UBE2O: variants seen among roughly 807,000 people sequenced by gnomAD.
UBE2O encodes the protein ubiquitin conjugating enzyme E2 O.
In UBE2O, 15 loss-of-function variants were observed where a neutral mutation model predicts 125.8. The ratio of observed to expected loss-of-function variants is 0.12; its 90% CI spans 0.08 to 0.18. The LOEUF (loss-of-function observed/expected upper bound fraction) is 0.18, where lower values mean the gene tolerates loss of function less well. Among genes scored for constraint, UBE2O ranks in the 10% least tolerant of loss-of-function variants. The pLI, the probability that UBE2O is intolerant of heterozygous loss-of-function variation, is 1.00. For synonymous variants in UBE2O, 708 were observed against 703.2 expected (o/e 1.01, Z -0.11); for missense variants, 1,280 against 1,723.6 (o/e 0.74, Z 4.56).
intron 1 of UBE2O, among the ~76,000 whole-genome samples, chr17:76,420,113 C>T (rs1343199716): frequency 2.0e-5 from 3 of 152,240 alleles, no homozygotes; most frequent in Non-Finnish European, 4.4e-5. Flanking sequence ...TCGCACCACA[C>T]TCCCCCAAAT....
chr17:76,447,206 A>G (rs2073165505), intron 1 of UBE2O, among the ~76,000 whole-genome samples: 1 of 152,278 alleles, frequency 6.6e-6, no homozygotes, highest in African/African-American at 2.4e-5. Context: ...ACGTATAGTA[A>G]TGATCTCTGA....
chr17:76,415,359 G>C (rs776959034), intron 1 of UBE2O, among the ~76,000 whole-genome samples: 1 of 152,170 alleles, frequency 6.6e-6, no homozygotes, highest in Non-Finnish European at 1.5e-5. Context: ...AGACTGGGTG[G>C]CTTGGAGAAG....
chr17:76,443,114 T>A (rs11650513), intron 1 of UBE2O, among the ~76,000 whole-genome samples: 40,262 of 151,948 alleles, frequency 0.26, 5,964 homozygotes, highest in East Asian at 0.49. Flanking sequence ...GGAAATATAT[T>A]TACATAAGCA....
At chr17:76,416,200 ATG>A (rs903296191) in intron 1 of UBE2O, among the ~76,000 whole-genome samples, 76 of 149,220 alleles carry the variant, frequency 5.1e-4, no homozygotes, top group African/African-American at 1.4e-3. Context: ...ATATGTGTAT[ATG>A]TGTGTGTATA....
In UBE2O at chr17:76,398,112, T is replaced by TG; in HGVS notation, c.2025+142dup. The TG allele has an allele frequency of 8.4e-7, 1 of 1,190,510 alleles. No individual in the cohort carries two copies. The highest frequency in any genetic ancestry group is 2.1e-5 in the Admixed American group (1 of 46,864). The allele number at this position is 1,190,510 out of a possible 1,614,324, so 73.7% of individuals were successfully genotyped here. A position where few individuals can be genotyped will look rare whatever the true frequency, so the allele number is the denominator to read the frequency against. ...CTAGTGCTGAGCGGCAGCTTGACTC[T>TG]GGGGCAGCTGCCCTTCTGAGGACAC... On this transcript the variant is annotated intron_variant, in intron 12 of 17. Coordinates refer to ENST00000319380, the MANE Select transcript of UBE2O (RefSeq NM_022066.4). The surrounding 1 kb of genome is among the most constrained non-coding windows in gnomAD (Gnocchi z 5.4).
intron 1 of UBE2O, among the ~76,000 whole-genome samples, chr17:76,437,897 T>C (rs1299330228): frequency 6.6e-6 from 1 of 152,142 alleles, no homozygotes; most frequent in Non-Finnish European, 1.5e-5. Flanking sequence ...AGGACAGCAA[T>C]AAGAATTAAA....
chr17:76,425,222 C>T (rs535932594), intron 1 of UBE2O, among the ~76,000 whole-genome samples: 8 of 54,168 alleles, frequency 1.5e-4, no homozygotes, highest in East Asian at 1.3e-3. Flanking sequence ...AAGGTCCTTT[C>T]GACAAAAAAA....
intron 1 of UBE2O, chr17:76,430,993 T>C: frequency 4.4e-6 from 1 of 225,054 alleles, no homozygotes. Context: ...GTTTCCTCCC[T>C]GCCTTTTGAA....
intron 1 of UBE2O, among the ~76,000 whole-genome samples, chr17:76,416,933 G>A (rs1007439613): frequency 1.3e-5 from 2 of 152,184 alleles, no homozygotes; most frequent in Non-Finnish European, 2.9e-5. Context: ...GCTGCGGCTG[G>A]TCACATGGAG....
chr17:76,423,693 A>AAATAAATAAAT (rs2072747530), intron 1 of UBE2O, among the ~76,000 whole-genome samples: 5 of 135,896 alleles, frequency 3.7e-5, no homozygotes, highest in African/African-American at 1.4e-4. Flanking sequence ...ACTCCATCTC[A>AAATAAATAAAT]AAATAAATAA....
chr17:76,413,994 C>T lies in UBE2O; in HGVS notation c.418-8422G>A, dbSNP rs192631453. ...TGAGGATGTGAATGGTCAGTAATTCCGGCTGGTGCCAGTGTAAGGACTTTC... is the reference window on the plus strand; with the variant it reads ...TGAGGATGTGAATGGTCAGTAATTCTGGCTGGTGCCAGTGTAAGGACTTTC... On this transcript the variant is annotated intron_variant, in intron 1 of 17. Transcript: ENST00000319380. 2.6e-5 allele frequency among the ~76,000 whole-genome samples: 4 copies of T among 152,190 alleles called. 1 individual carries two copies. The highest frequency in any genetic ancestry group is 1.9e-4 in the East Asian group (1 of 5,196).
In UBE2O at chr17:76,399,120, G is replaced by A; in HGVS notation, c.1629-129C>T. 7.9e-7 allele frequency: 1 copy of A among 1,259,802 alleles called. No homozygotes were observed. The allele number at this position is 1,259,802 out of a possible 1,614,324, so 78.0% of individuals were successfully genotyped here. A position where few individuals can be genotyped will look rare whatever the true frequency, so the allele number is the denominator to read the frequency against. ...GAAACTCTGAATCCCAGGTTGGCAG[G>A]ATGAGTCTCTGGTGCACAGGAAGCT... On this transcript the variant is annotated intron_variant, in intron 9 of 17. Coordinates refer to ENST00000319380, the MANE Select transcript of UBE2O (RefSeq NM_022066.4). The surrounding 1 kb of genome is among the most constrained non-coding windows in gnomAD (Gnocchi z 6.9).
intron 1 of UBE2O, among the ~76,000 whole-genome samples, chr17:76,419,840 T>C (rs1255822150): frequency 6.6e-6 from 1 of 152,102 alleles, no homozygotes; most frequent in African/African-American, 2.4e-5. Context: ...CGAGCTGGTG[T>C]GAAAGCGTGG....
At position 76,398,466 on chromosome 17, in the gene UBE2O, A is replaced by G; in HGVS notation, c.1896+6T>C. ...ACCTGAAGCAAGCAGTAGGGGCTGC[A>G]CACACCTCCACGTCGTCCCCACTCG... On this transcript the variant is annotated splice_donor_region_variant and intron_variant, in intron 11 of 17. Transcript: ENST00000319380. This position sits in a 1 kb window ranked among gnomAD's most constrained non-coding sequence, Gnocchi z 5.4. The G allele has an allele frequency of 6.2e-7, 1 of 1,614,106 alleles. No homozygotes were observed.
chr17:76,404,703 G>A lies in UBE2O; in HGVS notation c.588+503C>T, dbSNP rs1057256557. ...AACACACAAGAGGTGTGTGTATTCC[G>A]GGGTGGGTGACAGGGCATCACATCT... On this transcript the variant is annotated intron_variant, in intron 3 of 17. Coordinates refer to ENST00000319380, the MANE Select transcript of UBE2O (RefSeq NM_022066.4). The surrounding 1 kb of genome is among the most constrained non-coding windows in gnomAD (Gnocchi z 4.3). 5.3e-5 allele frequency among the ~76,000 whole-genome samples: 8 copies of A among 152,206 alleles called. No individual in the cohort carries two copies. In the East Asian group the frequency reaches 7.7e-4, roughly 15 times the overall value.
At chr17:76,409,855 A>AG (rs2072487468) in intron 1 of UBE2O, among the ~76,000 whole-genome samples, 1 of 152,124 alleles carries the variant, frequency 6.6e-6, no homozygotes, top group Non-Finnish European at 1.5e-5. Context: ...ATTCTCCTGC[A>AG]GGGGGGATGC....
In UBE2O at chr17:76,410,122, G is replaced by A. The variant is rs1421999146; in HGVS notation, c.418-4550C>T. ...TCAAGAAGGCAGAAGGCATGGTGCT[G>A]TTATTCAGGCCTTAGAGAGCCACAG... On this transcript the variant is annotated intron_variant, in intron 1 of 17. Coordinates refer to ENST00000319380, the MANE Select transcript of UBE2O (RefSeq NM_022066.4). This position sits in a 1 kb window ranked among gnomAD's most constrained non-coding sequence, Gnocchi z 4.0. 1.3e-5 allele frequency among the ~76,000 whole-genome samples: 2 copies of A among 152,074 alleles called. No individual in the cohort carries two copies. The highest frequency in any genetic ancestry group is 4.8e-5 in the African/African-American group (2 of 41,380).
chr17:76,431,487 G>A (rs1003781228), intron 1 of UBE2O, among the ~76,000 whole-genome samples: 3 of 152,180 alleles, frequency 2.0e-5, no homozygotes, highest in South Asian at 2.1e-4. Flanking sequence ...CAGCCTGGGC[G>A]ACAGGGTGCT....
Position 76,391,559 on chromosome 17 carries a change from C to T in UBE2O, c.3263G>A (p.Arg1088Gln), listed in dbSNP as rs776438824. The T allele has an allele frequency of 3.7e-6, 6 of 1,614,144 alleles. No homozygotes were observed. The highest frequency in any genetic ancestry group is 1.1e-5 in the South Asian group (1 of 91,080). ...GTTTTCATAGCCTTCCTGCAGGCCT[C>T]GGTCACTGTCGAAGCCGGCTTCGTT... is the stretch of plus-strand genomic sequence containing the variant. ...YYNEAGFDSD[R>Q]GLQEGYENSR... Residue 1088 changes from arginine (R) to glutamine (Q), a missense_variant, in exon 18 of 18, where the codon CGA becomes CAA. By Grantham distance (43) the Arg-to-Gln change is conservative. Coordinates refer to ENST00000319380, the MANE Select transcript of UBE2O (RefSeq NM_022066.4). The surrounding 1 kb of genome is among the most constrained non-coding windows in gnomAD (Gnocchi z 8.4).
Sources: allele counts gnomAD v4.1 joint callset (sites outside exome capture counted in the v4.1 genomes callset), GRCh38; gene constraint gnomAD v4.1.1; non-coding constraint Gnocchi (gnomAD v3.1); transcripts MANE v1.5; gene names NCBI Gene and HGNC (gene_info 2026-07-23, HGNC 2026-07-21).